BSN: variants seen among roughly 807,000 people sequenced by gnomAD.
BSN encodes bassoon presynaptic cytomatrix protein.
In BSN, 57 loss-of-function variants were observed where a neutral mutation model predicts 264.8. The ratio of observed to expected loss-of-function variants is 0.22; its 90% CI spans 0.17 to 0.27. BSN has a LOEUF of 0.27. BSN is among the 10% of genes least tolerant of loss of function. The pLI, the probability that BSN is intolerant of heterozygous loss-of-function variation, is 1.00. For synonymous variants in BSN, 2,059 were observed against 2,137.3 expected (o/e 0.96, Z 1.01); for missense variants, 4,615 against 5,232.5 (o/e 0.88, Z 3.64).
intron 1 of BSN, among the ~76,000 whole-genome samples, chr3:49,576,352 A>G (rs1455546095): frequency 1.3e-5 from 2 of 151,692 alleles, no homozygotes; most frequent in African/African-American, 2.4e-5. Flanking sequence ...ATGCAGGAAT[A>G]TCTGGGAAAT....
chr3:49,588,609 G>A (rs909292827), intron 1 of BSN, among the ~76,000 whole-genome samples: 13 of 152,026 alleles, frequency 8.6e-5, no homozygotes, highest in African/African-American at 2.7e-4. Context: ...TACATCCAAT[G>A]TTTTGATATG....
In BSN at chr3:49,653,423, G is replaced by C. The variant is rs1213733028; in HGVS notation, c.3867G>C (p.Gln1289His). 1 of 1,613,892 alleles carries C rather than the reference G, an allele frequency of 6.2e-7. No homozygotes were observed. Among genetic ancestry groups the C allele is most frequent in the African/African-American group, 1.3e-5 (1 of 74,896 alleles). Residue 1289 changes from glutamine (Q) to histidine (H), a missense_variant, in exon 5 of 12, where the codon CAG becomes CAC. By Grantham distance (24) the Gln-to-His change is conservative (BLOSUM62 0). This residue lies in a region of BSN where 3,415 missense variants were observed against 3,866.4 expected (regional missense o/e 0.88). Coordinates refer to ENST00000296452, the MANE Select transcript of BSN (RefSeq NM_003458.4). The surrounding 1 kb of genome is among the most constrained non-coding windows in gnomAD (Gnocchi z 6.3). ...CTGAGGACAAAAAGAAGGAGAAGCA[G>C]TTTCTAAATGCTGAGAGTGCATACA... ...AFAEDKKKEK[Q>H]FLNAESAYMD... is the part of the protein sequence containing the mutation.
intron 2 of BSN, among the ~76,000 whole-genome samples, chr3:49,640,995 G>A (rs1368712653): frequency 6.6e-6 from 1 of 151,178 alleles, no homozygotes; most frequent in Non-Finnish European, 1.5e-5. Context: ...CAGCCAAGGG[G>A]AGATGGCAGG....
chr3:49,632,167 A>T (rs928837387), intron 2 of BSN, among the ~76,000 whole-genome samples: 2 of 152,208 alleles, frequency 1.3e-5, no homozygotes, highest in African/African-American at 4.8e-5. Flanking sequence ...TCATATACAA[A>T]AATTAACTCA....
chr3:49,558,422 A>G (rs1341651060), intron 1 of BSN, among the ~76,000 whole-genome samples: 1 of 152,216 alleles, frequency 6.6e-6, no homozygotes, highest in African/African-American at 2.4e-5. Flanking sequence ...ACCCTAAGCC[A>G]AAGGCAGCTA....
intron 1 of BSN, among the ~76,000 whole-genome samples, chr3:49,616,745 T>C (rs971816830): frequency 1.3e-5 from 2 of 152,194 alleles, no homozygotes; most frequent in African/African-American, 4.8e-5. Flanking sequence ...CTCCTGGTGG[T>C]TCTGCCATTA....
chr3:49,620,897 C>T (rs975031502), intron 1 of BSN, among the ~76,000 whole-genome samples: 5 of 152,142 alleles, frequency 3.3e-5, no homozygotes, highest in African/African-American at 1.2e-4. Context: ...GCCGAGATTG[C>T]ATCACTGCGC....
In BSN at chr3:49,664,542, A is replaced by C; in HGVS notation, c.11728A>C (p.Lys3910Gln). 1 of 1,605,760 alleles carries C rather than the reference A, an allele frequency of 6.2e-7. No individual in the cohort carries two copies. Among genetic ancestry groups the C allele is most frequent in the Non-Finnish European group, 8.5e-7 (1 of 1,176,324 alleles). Residue 3910 changes from lysine to glutamine, a missense_variant, in exon 9 of 12, where the codon AAA becomes CAA. By Grantham distance (53) the Lys-to-Gln change is moderately conservative (BLOSUM62 1). Transcript: ENST00000296452. ...LPGGAAEQAG[K>Q]LTEAVSAFGK... Reference sequence around the variant, plus strand: ...TGGCGGGGCAGCCGAGCAAGCTGGCAAACTGACGGAAGGTATGCACTGCCT... The same window carrying C: ...TGGCGGGGCAGCCGAGCAAGCTGGCCAACTGACGGAAGGTATGCACTGCCT...
Position 49,654,740 on chromosome 3 carries a change from T to A in BSN, c.5184T>A (p.Thr1728=). The A allele has an allele frequency of 6.2e-7, 1 of 1,613,538 alleles. No individual in the cohort carries two copies. Residue 1728 remains threonine (T), a synonymous_variant, in exon 5 of 12, where the codon ACT becomes ACA. Coordinates refer to ENST00000296452, the MANE Select transcript of BSN (RefSeq NM_003458.4). The surrounding 1 kb of genome is among the most constrained non-coding windows in gnomAD (Gnocchi z 4.1). ...CCCAGGAGCATACCTTCCTTGCTAC[T>A]GCCACCACCGTGAGCATCACCATGG... ...LNAQEHTFLA[T]ATTVSITMAS... is the part of the protein sequence containing the mutation.
At position 49,554,504 on chromosome 3, in the gene BSN, A is replaced by G. The variant is rs1001761653; in HGVS notation, c.-99A>G. The G allele has an allele frequency of 2.5e-5, 8 of 314,200 alleles. No individual in the cohort carries two copies. Among genetic ancestry groups the G allele is most frequent in the Admixed American group, 2.0e-4 (3 of 15,328 alleles). 19.5% of individuals were successfully genotyped at this position (314,200 alleles called of 1,614,324 possible). On this transcript the variant is annotated 5_prime_UTR_variant, in exon 1 of 12. The change abolishes an upstream ATG in the 5' untranslated region. Coordinates refer to ENST00000296452, the MANE Select transcript of BSN (RefSeq NM_003458.4). The stretch of plus-strand genomic sequence containing the variant: ...GCGGCGGCGCGAGCCGAGCTGGGAG[A>G]TGGCGGCGGCAGCGGCGGCGCCGAG...
At position 49,653,111 on chromosome 3, in the gene BSN, G is replaced by T; in HGVS notation, c.3555G>T (p.Glu1185Asp). The T allele has an allele frequency of 6.2e-7, 1 of 1,613,546 alleles. No individual in the cohort carries two copies. The highest frequency in any genetic ancestry group is 8.5e-7 in the Non-Finnish European group (1 of 1,180,012). ...CCGGACGGCCGCTCAAGAGCGCTGA[G>T]GAGGCTTATGAGGAGATGATGCGCA... is the stretch of plus-strand genomic sequence containing the variant. ...PSSGRPLKSAEEAYEEMMRKA... is the reference protein window; with the variant it reads ...PSSGRPLKSADEAYEEMMRKA... Residue 1185 changes from glutamate to aspartate, a missense_variant, in exon 5 of 12, where the codon GAG (glutamate) becomes GAT (aspartate). By Grantham distance (45) the Glu-to-Asp change is conservative. Transcript: ENST00000296452. This position sits in a 1 kb window ranked among gnomAD's most constrained non-coding sequence, Gnocchi z 6.3.
chr3:49,595,345 A>G (rs1344405648), intron 1 of BSN, among the ~76,000 whole-genome samples: 1 of 151,616 alleles, frequency 6.6e-6, no homozygotes, highest in Non-Finnish European at 1.5e-5. Flanking sequence ...GGCATGCACC[A>G]CCACCCCTGG....
chr3:49,661,440 C>T lies in BSN; in HGVS notation c.9595C>T (p.Arg3199Trp), dbSNP rs371920096. Residue 3199 changes from arginine to tryptophan, a missense_variant, in exon 6 of 12, where the codon CGG becomes TGG. Physicochemically the swap from Arg to Trp is moderately radical, Grantham distance 101. Transcript: ENST00000296452. ...YEQGKVPEVP[R>W]AGDRGSVSQS... The stretch of plus-strand genomic sequence containing the variant: ...GCAGGGCAAGGTCCCTGAGGTGCCC[C>T]GGGCTGGTGACCGTGGCAGTGTGAG... 103 of 1,613,710 alleles carry T rather than the reference C, an allele frequency of 6.4e-5. No individual in the cohort carries two copies. The highest frequency in any genetic ancestry group is 8.4e-5 in the Non-Finnish European group (99 of 1,179,962).
At chr3:49,645,064 T>C (rs1416661074) in intron 3 of BSN, among the ~76,000 whole-genome samples, 3 of 152,140 alleles carry the variant, frequency 2.0e-5, no homozygotes, top group African/African-American at 7.2e-5. Flanking sequence ...CCTCTCTCAA[T>C]TTCCTGCTGT....
rs2108068234 is a variant in BSN at position 49,638,021 on chromosome 3, C to T, written c.634-4247C>T. ...AGGAAGGCTCCTGAGACACGAGGCT[C>T]GTGGCTGGTAGCCTGCACATCTCCT... On this transcript the variant is annotated intron_variant, in intron 2 of 11. Transcript: ENST00000296452. This position sits in a 1 kb window ranked among gnomAD's most constrained non-coding sequence, Gnocchi z 4.3. 6.6e-6 allele frequency among the ~76,000 whole-genome samples: 1 copy of T among 152,362 alleles called. No individual in the cohort carries two copies. Among genetic ancestry groups the T allele is most frequent in the African/African-American group, 2.4e-5 (1 of 41,592 alleles).
intron 1 of BSN, among the ~76,000 whole-genome samples, chr3:49,593,863 C>CG (rs1242725175): frequency 7.1e-6 from 1 of 140,590 alleles, no homozygotes; most frequent in Non-Finnish European, 1.5e-5. Context: ...AGTGCGGTGG[C>CG]GTGATCTTGG....
chr3:49,631,320 C>G (rs1170427724), intron 2 of BSN, among the ~76,000 whole-genome samples: 1 of 152,020 alleles, frequency 6.6e-6, no homozygotes, highest in African/African-American at 2.4e-5. Flanking sequence ...CTTTGAGCAG[C>G]TGAGGTGGGC....
intron 2 of BSN, among the ~76,000 whole-genome samples, chr3:49,632,211 A>G (rs1237027942): frequency 6.6e-6 from 1 of 152,224 alleles, no homozygotes; most frequent in East Asian, 1.9e-4. Context: ...AAGAGCTAAA[A>G]CTATAAAACT....
chr3:49,655,187 A>C lies in BSN; in HGVS notation c.5631A>C (p.Thr1877=), dbSNP rs758235602. The change falls in exon 5 of 12, where the codon ACA becomes ACC. Residue 1877 remains threonine (T), a synonymous_variant. Transcript: ENST00000296452. ...MGEGTAGTVT[T]LLPEEPAGAL... is the part of the protein sequence containing the mutation. ...AGGGCACAGCAGGCACTGTGACCACACTGCTCCCAGAGGAGCCTGCGGGTG... is the reference window on the plus strand; with the variant it reads ...AGGGCACAGCAGGCACTGTGACCACCCTGCTCCCAGAGGAGCCTGCGGGTG... 1.9e-6 allele frequency: 3 copies of C among 1,612,774 alleles called. No individual in the cohort carries two copies. The African/African-American group carries it at 4.0e-5, about 22-fold the overall frequency.
Sources: allele counts gnomAD v4.1 joint callset (sites outside exome capture counted in the v4.1 genomes callset), GRCh38; gene constraint gnomAD v4.1.1; regional missense constraint gnomAD v4.1.1; non-coding constraint Gnocchi (gnomAD v3.1); transcripts MANE v1.5; gene names NCBI Gene and HGNC (gene_info 2026-07-23, HGNC 2026-07-21).